The following HCLS1 variants were observed in gnomAD, a reference collection of about 807,000 sequenced individuals.
The protein encoded by HCLS1 is hematopoietic cell-specific Lyn substrate 1.
A neutral mutation model predicts 68.6 loss-of-function variants in HCLS1; 44 were observed. That is an observed-to-expected ratio of 0.64 (90% CI 0.50 to 0.82). The LOEUF (loss-of-function observed/expected upper bound fraction) is 0.82, where lower values mean the gene tolerates loss of function less well. Among genes scored for constraint, HCLS1 ranks in the 40% least tolerant of loss-of-function variants. HCLS1 has a pLI of 0.00. For synonymous variants in HCLS1, 217 were observed against 225.8 expected, an observed-to-expected ratio of 0.96 and a Z score of 0.35; for missense variants, 602 against 612.1, an observed-to-expected ratio of 0.98 and a Z score of 0.17.
chr3:121,647,261 G>T (rs547951997), intron 4 of HCLS1, 58 bp downstream of exon 4: 2 of 1,584,748 alleles, frequency 1.3e-6, no homozygotes, highest in Admixed American at 1.7e-5. Flanking sequence ...GATTACAGGC[G>T]TGAGCCACCG....
rs1164087127 is a variant in HCLS1, at chr3:121,644,885, G to T, written c.332C>A (p.Ser111Tyr). 2 of 1,614,134 alleles carry T rather than the reference G, an allele frequency of 1.2e-6. No individual in the cohort carries two copies. The highest frequency in any genetic ancestry group is 1.7e-6 in the Non-Finnish European group (2 of 1,180,002). ...GCCTTTGGCAGCATCCGTCTGAGAA[G>T]AGTGCTTCTCCACCTCGGCAACATA... ...HEYVAEVEKHSSQTDAAKGFG... is the reference protein window; with the variant it reads ...HEYVAEVEKHYSQTDAAKGFG... The change falls in exon 5 of 14, where the codon TCT becomes TAT. Residue 111 changes from serine (S) to tyrosine (Y), a missense_variant. By Grantham distance (144) the Ser-to-Tyr change is moderately radical (BLOSUM62 -2). Transcript: ENST00000314583.
intron 6 of HCLS1, among the ~76,000 whole-genome samples, chr3:121,639,943 C>T (rs1156500282): frequency 2.6e-5 from 4 of 151,832 alleles, no homozygotes. Context: ...TTTTTTAAAA[C>T]AAGTAAATAA....
At chr3:121,658,608 T>A (rs536344656) in intron 1 of HCLS1, among the ~76,000 whole-genome samples, 9 of 152,318 alleles carry the variant, frequency 5.9e-5, no homozygotes, top group African/African-American at 2.2e-4. Context: ...TCATCATGGG[T>A]GTGGGTAACA....
intron 4 of HCLS1, among the ~76,000 whole-genome samples, chr3:121,645,351 A>G (rs1440052591): frequency 6.6e-6 from 1 of 152,150 alleles, no homozygotes; most frequent in African/African-American, 2.4e-5. Flanking sequence ...AGGAGAGCCA[A>G]TGATTTTGTT....
At chr3:121,647,643 A>G (rs562107254) in intron 3 of HCLS1, among the ~76,000 whole-genome samples, 195 bp from the exon 4 acceptor site, 1 of 152,338 alleles carries the variant, frequency 6.6e-6, no homozygotes, top group South Asian at 2.1e-4. Context: ...TAAACTCTCC[A>G]TAGGCCAATA....
chr3:121,639,388 A>C (rs2049177550), intron 6 of HCLS1, among the ~76,000 whole-genome samples: 1 of 152,238 alleles, frequency 6.6e-6, no homozygotes, highest in South Asian at 2.1e-4. Context: ...AATAGAATTA[A>C]AGTAGAAGTC....
In HCLS1 at chr3:121,634,147, C is replaced by G. The variant is rs1167603086; in HGVS notation, c.903+60G>C. ...TATTTTCTGCCAATGGTTTGGACCC[C>G]TTAGGCTCCTGTCTGGGCAAGAGAT... is the stretch of plus-strand genomic sequence containing the variant. On this transcript the variant is annotated intron_variant, in intron 10 of 13. Transcript: ENST00000314583. 9.3e-6 allele frequency: 15 copies of G among 1,609,038 alleles called. No homozygotes were observed. In the East Asian group the frequency reaches 2.5e-4, roughly 26 times the overall value.
chr3:121,657,384 G>A (rs377068706), intron 2 of HCLS1, 32 bp from the exon 3 acceptor site: 392 of 1,606,022 alleles, frequency 2.4e-4, no homozygotes, highest in Admixed American at 4.8e-4. Flanking sequence ...AATACATGAC[G>A]GCAAGAAATG....
At position 121,632,474 on chromosome 3, in the gene HCLS1, A is replaced by G. The variant is rs759830049; in HGVS notation, c.1098T>C (p.Pro366=). The G allele has an allele frequency of 1.9e-6, 3 of 1,610,214 alleles. No homozygotes were observed. Among genetic ancestry groups the G allele is most frequent in the South Asian group, 1.1e-5 (1 of 91,026 alleles). Residue 366 remains proline, a synonymous_variant, in exon 12 of 14, where the codon CCT becomes CCC. Transcript: ENST00000314583. ...EEPVYEAEPE[P]EPEPEPEPEN... ...CAGGCTCGGGCTCAGGCTCGGGCTC[A>G]GGCTCAGGCTCTGCTTCGTACACTG...
intron 3 of HCLS1, among the ~76,000 whole-genome samples, chr3:121,648,932 A>G (rs542093971): frequency 9.8e-5 from 15 of 152,286 alleles, no homozygotes; most frequent in African/African-American, 3.1e-4. Flanking sequence ...TGCCTGCCCA[A>G]TATCTTCCAA....
Position 121,633,080 on chromosome 3 carries a change from T to C in HCLS1, c.995A>G (p.Gln332Arg). The change falls in exon 11 of 14, where the codon CAG becomes CGG. Residue 332 changes from glutamine to arginine, a missense_variant. Physicochemically the swap from Gln to Arg is conservative, Grantham distance 43. Coordinates refer to ENST00000314583, the MANE Select transcript of HCLS1 (RefSeq NM_005335.6). ...GGGTTTGCTTACCTCCGGGAGAGTC[T>C]GCCTAATGGGCAGCAAGGGCACTGG... is the stretch of plus-strand genomic sequence containing the variant. ...EHPVPLLPIR[Q>R]TLPEDNEEPP... 6.2e-7 allele frequency: 1 copy of C among 1,610,874 alleles called. No homozygotes were observed. The highest frequency in any genetic ancestry group is 8.5e-7 in the Non-Finnish European group (1 of 1,177,306).
chr3:121,644,518 C>T (rs987249282), intron 5 of HCLS1: 5 of 455,342 alleles, frequency 1.1e-5, no homozygotes, highest in Admixed American at 5.9e-5. Flanking sequence ...AGATGATTCT[C>T]TGTTCTATCT....
intron 5 of HCLS1, chr3:121,644,572 T>C (rs1359401011): frequency 1.6e-6 from 1 of 621,500 alleles, no homozygotes; most frequent in Non-Finnish European, 3.0e-6. Flanking sequence ...TGAGGAATTA[T>C]TCATTCAAAC....
At chr3:121,647,149 T>C (rs977862661) in intron 4 of HCLS1, among the ~76,000 whole-genome samples, 170 bp downstream of exon 4, 2 of 151,510 alleles carry the variant, frequency 1.3e-5, no homozygotes, top group African/African-American at 2.4e-5. Flanking sequence ...GCACGGCTAA[T>C]TTTTTGTATT....
In HCLS1 at chr3:121,632,452, G is replaced by T. The variant is rs376083217; in HGVS notation, c.1120C>A (p.Pro374Thr). 1.2e-6 allele frequency: 2 copies of T among 1,612,680 alleles called. No individual in the cohort carries two copies. Among genetic ancestry groups the T allele is most frequent in the Admixed American group, 1.7e-5 (1 of 59,914 alleles). Reference protein sequence around the residue: ...PEPEPEPEPEPENDYEDVEEM... With the variant: ...PEPEPEPEPETENDYEDVEEM... ...TCAACGTCCTCATAGTCATTCTCAG[G>T]CTCGGGCTCAGGCTCGGGCTCAGGC... The change falls in exon 12 of 14, where the codon CCT (proline) becomes ACT (threonine). Residue 374 changes from proline (P) to threonine (T), a missense_variant. Physicochemically the swap from Pro to Thr is conservative, Grantham distance 38. Coordinates refer to ENST00000314583, the MANE Select transcript of HCLS1 (RefSeq NM_005335.6).
chr3:121,659,473 G>T (rs886797266), intron 1 of HCLS1, among the ~76,000 whole-genome samples: 1 of 152,026 alleles, frequency 6.6e-6, no homozygotes, highest in Non-Finnish European at 1.5e-5. Flanking sequence ...ACCACTCCTC[G>T]GGTTCTCCTG....
At position 121,644,831 on chromosome 3, in the gene HCLS1, T is replaced by C. The variant is rs2107469082; in HGVS notation, c.386A>G (p.Asp129Gly). 5.6e-6 allele frequency: 9 copies of C among 1,612,576 alleles called. No homozygotes were observed. Among genetic ancestry groups the C allele is most frequent in the Non-Finnish European group, 6.8e-6 (8 of 1,178,606 alleles). The change falls in exon 5 of 14, where the codon GAC becomes GGC. Residue 129 changes from aspartate to glycine, a missense_variant. Transcript: ENST00000314583. ...GTGGTCACTTACCTTGTCTGCCCTG[T>C]CCCTCTCAACTCCGTACTTGCCCCC... is the stretch of plus-strand genomic sequence containing the variant. ...GFGGKYGVER[D>G]RADKSAVGFD... is the part of the protein sequence containing the mutation.
rs777106113 is a variant in HCLS1 at position 121,636,424 on chromosome 3, G to A, written c.621+10C>T. On this transcript the variant is annotated intron_variant, in intron 8 of 13. Coordinates refer to ENST00000314583, the MANE Select transcript of HCLS1 (RefSeq NM_005335.6). Reference sequence around the variant, plus strand: ...ACTCTTCTTAAGACATTGGTGTTCCGGTGCTTTACCTTATCCACTCGGTCC... The same window carrying A: ...ACTCTTCTTAAGACATTGGTGTTCCAGTGCTTTACCTTATCCACTCGGTCC... The A allele has an allele frequency of 1.2e-5, 19 of 1,606,572 alleles. 1 individual carries two copies. The highest frequency in any genetic ancestry group is 8.9e-5 in the East Asian group (4 of 44,838).
Position 121,634,239 on chromosome 3 carries a change from G to C in HCLS1, c.871C>G (p.Pro291Ala), listed in dbSNP as rs147706872. The C allele has an allele frequency of 6.2e-7, 1 of 1,614,188 alleles. No homozygotes were observed. Among genetic ancestry groups the C allele is most frequent in the Non-Finnish European group, 8.5e-7 (1 of 1,180,036 alleles). ...GAGATTTTCTTGGGCAGTGGGGCCG[G>C]TACTGCTGGCTCTTCCATAGCTATC... ...PVIAMEEPAV[P>A]APLPKKISSE... The change falls in exon 10 of 14, where the codon CCG becomes GCG. Residue 291 changes from proline (P) to alanine (A), a missense_variant. Physicochemically the swap from Pro to Ala is conservative, Grantham distance 27 (BLOSUM62 -1). Coordinates refer to ENST00000314583, the MANE Select transcript of HCLS1 (RefSeq NM_005335.6).
Sources: gnomAD v4.1 joint callset for allele counts (sites outside exome capture counted in the v4.1 genomes callset) on GRCh38, gnomAD v4.1.1 for gene constraint, MANE v1.5 for transcripts, NCBI Gene and HGNC (gene_info 2026-07-23, HGNC 2026-07-21) for gene names.